NEGR1: variants seen among roughly 807,000 people sequenced by gnomAD.
The protein encoded by NEGR1 is neuronal growth regulator 1, also known as IgLON family member 4.
NEGR1 carries 10 observed loss-of-function variants against 40.9 expected under a neutral mutation model. The ratio of observed to expected loss-of-function variants is 0.24; its 90% confidence interval spans 0.15 to 0.42. The LOEUF is 0.42. NEGR1 is among the 10% of genes least tolerant of loss of function. The pLI is 1.00. For synonymous variants in NEGR1, 185 were observed against 166.8 expected, an observed-to-expected ratio of 1.11 and a Z score of -0.84; for missense variants, 352 against 438.9, an observed-to-expected ratio of 0.80 and a Z score of 1.77.
At chr1:71,573,829 A>G (rs1648878255) in intron 6 of NEGR1, among the ~76,000 whole-genome samples, 1 of 152,156 alleles carries the variant, frequency 6.6e-6, no homozygotes, top group Non-Finnish European at 1.5e-5. Flanking sequence ...ATGGTGACCT[A>G]AAAAAGGCCT....
At chr1:71,942,843 C>A (rs1431172252) in intron 1 of NEGR1, among the ~76,000 whole-genome samples, 1 of 145,712 alleles carries the variant, frequency 6.9e-6, no homozygotes, top group East Asian at 2.1e-4. Context: ...GCTCTGTCAC[C>A]CAGGCTTGAG....
intron 2 of NEGR1, among the ~76,000 whole-genome samples, chr1:71,777,293 C>T (rs1656546876): frequency 6.6e-6 from 1 of 151,992 alleles, no homozygotes; most frequent in Non-Finnish European, 1.5e-5. Context: ...TCCTATCTGG[C>T]TGCTATGGAG....
At chr1:72,010,227 G>A (rs540547337) in intron 1 of NEGR1, among the ~76,000 whole-genome samples, 1 of 152,064 alleles carries the variant, frequency 6.6e-6, no homozygotes, top group Non-Finnish European at 1.5e-5. Context: ...TACCAGCTGT[G>A]AAGAGCTGCT....
intron 4 of NEGR1, among the ~76,000 whole-genome samples, chr1:71,656,248 C>T (rs1212749238): frequency 6.6e-6 from 1 of 152,122 alleles, no homozygotes; most frequent in African/African-American, 2.4e-5. Context: ...GTAAAGAAAG[C>T]AGAATTTTCC....
chr1:71,698,494 T>C (rs1241297210), intron 3 of NEGR1, among the ~76,000 whole-genome samples: 2 of 151,624 alleles, frequency 1.3e-5, no homozygotes, highest in Non-Finnish European at 3.0e-5. Context: ...ACTTGGTACA[T>C]ATTGACTTCT....
chr1:71,703,043 C>T (rs1653753810), intron 3 of NEGR1: 1 of 151,878 alleles, frequency 6.6e-6, no homozygotes, highest in Non-Finnish European at 1.5e-5. Flanking sequence ...GAGTACAAGG[C>T]TGTACTTGCA....
rs1491221284 is a variant in NEGR1, at chr1:71,947,187, AAT to A, written c.177-11878_177-11877del. Among the ~76,000 whole-genome samples the A allele has an allele frequency of 4.1e-5, 6 of 148,138 alleles. No individual in the cohort carries two copies. The East Asian group carries it at 1.2e-3, about 29-fold the overall frequency. On this transcript the variant is annotated intron_variant, in intron 1 of 6. Coordinates refer to ENST00000357731, the MANE Select transcript of NEGR1 (RefSeq NM_173808.3). ...ATAGTTAATATATATTATATATATAAATCATATATATAACTTAATATAGTTAA... is the reference window on the plus strand; with the variant it reads ...ATAGTTAATATATATTATATATATAACATATATATAACTTAATATAGTTAA...
intron 4 of NEGR1, among the ~76,000 whole-genome samples, chr1:71,623,922 C>G (rs549826498): frequency 6.6e-6 from 1 of 151,998 alleles, no homozygotes; most frequent in East Asian, 1.9e-4. Context: ...AAAAGTCTCA[C>G]TGACAAAACA....
rs76531793 is a variant in NEGR1 at position 72,119,835 on chromosome 1, T to C, written c.176+162484A>G. On this transcript the variant is annotated intron_variant, in intron 1 of 6. Coordinates refer to ENST00000357731, the MANE Select transcript of NEGR1 (RefSeq NM_173808.3). ...TGAGGTTGAAAAGTCCTAGAATATC[T>C]TCAAAGAAGGCTTCTCATAGGGAAT... 4.1e-3 allele frequency among the ~76,000 whole-genome samples: 621 copies of C among 152,048 alleles called. 5 individuals carry two copies. Among genetic ancestry groups the C allele is most frequent in the Admixed American group, 7.5e-3 (114 of 15,218 alleles).
At chr1:71,600,647 G>A (rs1022694984) in intron 5 of NEGR1, among the ~76,000 whole-genome samples, 1 of 152,170 alleles carries the variant, frequency 6.6e-6, no homozygotes, top group Non-Finnish European at 1.5e-5. Flanking sequence ...TTTCAGGATA[G>A]CCACAGCTCC....
In NEGR1 at chr1:71,912,814, G is replaced by GTA. The variant is rs566496750; in HGVS notation, c.409+22263_409+22264dup. Reference sequence around the variant, plus strand: ...TGGATAGATGTATGTACATGTGTGTGTATATATATATAGTACATGTATATA... The same window carrying GTA: ...TGGATAGATGTATGTACATGTGTGTGTATATATATATATAGTACATGTATATA... On this transcript the variant is annotated intron_variant, in intron 2 of 6. Transcript: ENST00000357731. Among the ~76,000 whole-genome samples, 456 of 151,574 alleles carry GTA rather than the reference G, an allele frequency of 3.0e-3. 3 individuals are homozygous for GTA. The highest frequency in any genetic ancestry group is 0.011 in the African/African-American group (437 of 41,342).
chr1:72,174,338 G>C (rs570133179), intron 1 of NEGR1, among the ~76,000 whole-genome samples: 2 of 152,072 alleles, frequency 1.3e-5, no homozygotes, highest in Non-Finnish European at 2.9e-5. Flanking sequence ...TTGACCTACG[G>C]TTATCACCCA....
At chr1:71,543,779 A>G (rs1423157816) in intron 6 of NEGR1, among the ~76,000 whole-genome samples, 2 of 151,702 alleles carry the variant, frequency 1.3e-5, no homozygotes, top group South Asian at 4.1e-4. Context: ...TTTGAGAAAA[A>G]TCTCAGTTAT....
At chr1:71,601,388 GCTTCCATTTAAAACA>G (rs904542139) in intron 5 of NEGR1, among the ~76,000 whole-genome samples, 1 of 152,198 alleles carries the variant, frequency 6.6e-6, no homozygotes, top group Non-Finnish European at 1.5e-5. Flanking sequence ...AATTAGTTCA[GCTTCCATTTAAAACA>G]CTATGGAGAT....
intron 1 of NEGR1, among the ~76,000 whole-genome samples, chr1:72,160,197 G>T (rs2100372490): frequency 6.6e-6 from 1 of 152,184 alleles, no homozygotes; most frequent in African/African-American, 2.4e-5. Flanking sequence ...AACTCAAACA[G>T]CTGCTACCAT....
intron 6 of NEGR1, among the ~76,000 whole-genome samples, chr1:71,439,499 A>C (rs765564204): frequency 1.1e-4 from 17 of 152,146 alleles, no homozygotes; most frequent in Non-Finnish European, 2.5e-4. Flanking sequence ...AGTAGCTGGG[A>C]CTACAGGCAC....
intron 3 of NEGR1, among the ~76,000 whole-genome samples, chr1:71,775,967 T>C (rs1448323604): frequency 6.6e-6 from 1 of 150,918 alleles, no homozygotes; most frequent in Non-Finnish European, 1.5e-5. Context: ...AGCTGCAGCC[T>C]GGGGGACAGA....
At chr1:71,698,394 C>G (rs1653558918) in intron 3 of NEGR1, among the ~76,000 whole-genome samples, 1 of 151,852 alleles carries the variant, frequency 6.6e-6, no homozygotes, top group African/African-American at 2.4e-5. Flanking sequence ...TTGTGGTCTC[C>G]TAACCTCTTC....
intron 1 of NEGR1, among the ~76,000 whole-genome samples, chr1:72,043,961 A>G (rs1317230984): frequency 6.6e-6 from 1 of 151,896 alleles, no homozygotes; most frequent in Non-Finnish European, 1.5e-5. Context: ...GAAAACATAA[A>G]ATGGAAATAA....
Sources: gnomAD v4.1 joint callset for allele counts (sites outside exome capture counted in the v4.1 genomes callset) on GRCh38, gnomAD v4.1.1 for gene constraint, MANE v1.5 for transcripts, NCBI Gene and HGNC (gene_info 2026-07-23, HGNC 2026-07-21) for gene names.